The following SWI5 variants were observed in gnomAD, a reference collection of about 807,000 sequenced individuals.
SWI5 encodes SWI5 homologous recombination repair protein, also known as DNA repair protein SWI5 homolog.
In SWI5, 12 loss-of-function variants were observed where a neutral mutation model predicts 17.0. The ratio of observed to expected loss-of-function variants is 0.71; its 90% CI spans 0.45 to 1.14. SWI5 has a LOEUF of 1.14. Among genes scored for constraint, SWI5 ranks in the 50% most tolerant of loss-of-function variants. The probability of loss-of-function intolerance (pLI) is 0.00; values close to 1 mark genes in which losing one functional copy is unlikely to be tolerated. For synonymous variants in SWI5, 61 were observed against 64.0 expected, an observed-to-expected ratio of 0.95 and a Z score of 0.22; for missense variants, 158 against 162.2, an observed-to-expected ratio of 0.97 and a Z score of 0.14.
exon 1 of SWI5, chr9:128,276,332 A>T: frequency 1.2e-6 from 2 of 1,612,208 alleles, no homozygotes; most frequent in Non-Finnish European, 1.7e-6. Context: ...TCGCTCTCCG[A>T]CTCCCGCGCT....
chr9:128,288,006 G>A (rs1831674922), intron 4 of SWI5, among the ~76,000 whole-genome samples: 6 of 151,876 alleles, frequency 4.0e-5, no homozygotes, highest in Admixed American at 1.3e-4. Flanking sequence ...GTGGAGGAAT[G>A]CCCAGGAAGT....
chr9:128,276,784 T>C (rs748979480), intron 2 of SWI5, 29 bp downstream of exon 2: 61 of 1,586,330 alleles, frequency 3.8e-5, no homozygotes, highest in Non-Finnish European at 4.0e-5. Context: ...ACACCCCCTT[T>C]CCCATCCTCG....
chr9:128,275,479 G>T, upstream of SWI5: 1 of 1,305,026 alleles, frequency 7.7e-7, no homozygotes, highest in Non-Finnish European at 9.8e-7. Flanking sequence ...CGGGAGGTCC[G>T]GTTTGGGGCG....
chr9:128,288,739 A>T (rs181209395), exon 5 of SWI5: 1 of 1,613,346 alleles, frequency 6.2e-7, no homozygotes, highest in Non-Finnish European at 8.5e-7. Flanking sequence ...CCCCTTGTCC[A>T]CAGCTCCCAG....
intron 1 of SWI5, 52 bp from the exon 2 acceptor site, chr9:128,276,655 C>T (rs1356647381): frequency 3.7e-6 from 6 of 1,613,912 alleles, no homozygotes; most frequent in Non-Finnish European, 5.1e-6. Context: ...GTACCCCGTC[C>T]TCACAGCGGG....
intron 4 of SWI5, chr9:128,286,283 A>G (rs2131424616): frequency 2.1e-6 from 1 of 473,724 alleles, no homozygotes; most frequent in Middle Eastern, 5.7e-4. Context: ...CCCATCTGCC[A>G]GACTGAGAAC....
At chr9:128,276,896 G>A (rs1588500274) in intron 2 of SWI5, 141 bp downstream of exon 2, 2 of 855,762 alleles carry the variant, frequency 2.3e-6, no homozygotes, top group South Asian at 3.3e-5. Context: ...AGAACCGCCA[G>A]GTCATTCCCG....
At chr9:128,282,756 G>A (rs1295727119) in intron 2 of SWI5, among the ~76,000 whole-genome samples, 4 of 152,352 alleles carry the variant, frequency 2.6e-5, no homozygotes, top group Middle Eastern at 3.4e-3. Flanking sequence ...TGTATCATGT[G>A]TAGACAGCTC....
intron 4 of SWI5, chr9:128,286,342 C>T (rs1317092308): frequency 3.4e-6 from 1 of 296,614 alleles, no homozygotes; most frequent in Non-Finnish European, 6.4e-6. Context: ...ATCAAGATAC[C>T]GTCCATGCCT....
At chr9:128,284,673 G>C in intron 3 of SWI5, 42 bp downstream of exon 3, 2 of 1,604,062 alleles carry the variant, frequency 1.2e-6, no homozygotes, top group Non-Finnish European at 1.7e-6. Context: ...AGATAACTTT[G>C]GGCTAGGCAT....
At chr9:128,286,001 A>G (rs1395210846) in exon 4 of SWI5, 1 of 1,613,980 alleles carries the variant, frequency 6.2e-7, no homozygotes, top group African/African-American at 1.3e-5. Flanking sequence ...AATGACATCA[A>G]GGATGTGGGG....
At chr9:128,284,400 G>T (rs1031837728) in intron 2 of SWI5, 110 bp from the exon 3 acceptor site, 5 of 1,359,424 alleles carry the variant, frequency 3.7e-6, no homozygotes, top group Non-Finnish European at 5.0e-6. Context: ...TATTGAGGGG[G>T]TTAGGGTGCC....
intron 4 of SWI5, 195 bp downstream of exon 4, chr9:128,286,228 T>A (rs751343332): frequency 1.8e-6 from 1 of 549,298 alleles, no homozygotes; most frequent in African/African-American, 1.9e-5. Flanking sequence ...GTTCCTCAAG[T>A]ACAGAACCTG....
intron 4 of SWI5, 68 bp from the exon 5 acceptor site, chr9:128,288,584 C>T (rs1588509770): frequency 3.8e-6 from 6 of 1,561,188 alleles, no homozygotes; most frequent in South Asian, 1.1e-5. Flanking sequence ...GACACTGGCT[C>T]GGGGCATTGG....
At chr9:128,286,717 T>G (rs1202905558) in intron 4 of SWI5, among the ~76,000 whole-genome samples, 1 of 152,122 alleles carries the variant, frequency 6.6e-6, no homozygotes, top group African/African-American at 2.4e-5. Context: ...AGGGCTTCTC[T>G]GTGTTTCACT....
chr9:128,288,164 A>G (rs539752718), intron 4 of SWI5, among the ~76,000 whole-genome samples: 1 of 152,268 alleles, frequency 6.6e-6, no homozygotes, highest in South Asian at 2.1e-4. Context: ...ACCCTTCCTC[A>G]GGAGAAAGGA....
rs1053721096 is a variant in SWI5, at chr9:128,285,294, G to A, written c.234-645G>A. Among the ~76,000 whole-genome samples the A allele has an allele frequency of 6.6e-6, 1 of 151,544 alleles. No homozygotes were observed. Among genetic ancestry groups the A allele is most frequent in the Non-Finnish European group, 1.5e-5 (1 of 67,858 alleles). ...AAGGAAGGGAAAGGAAGGAAGGAAG[G>A]AAAGGAAGGAAGGAAGAAAGAAAGG... On this transcript the variant is annotated intron_variant, in intron 3 of 4. Transcript: ENST00000418976. The surrounding 1 kb of genome is among the most constrained non-coding windows in gnomAD (Gnocchi z 4.8).
Position 128,276,574 on chromosome 9 carries a change from G to A in SWI5, c.63-133G>A, listed in dbSNP as rs375476565. 8.8e-6 allele frequency: 14 copies of A among 1,596,218 alleles called. No individual in the cohort carries two copies. The African/African-American group carries it at 1.6e-4, about 18-fold the overall frequency. Reference sequence around the variant, plus strand: ...CTACCCTGATCCTGAGAGCGTGTCTGCCCCCTTTCCAGATGGATCCAGTCC... The same window carrying A: ...CTACCCTGATCCTGAGAGCGTGTCTACCCCCTTTCCAGATGGATCCAGTCC... On this transcript the variant is annotated intron_variant, in intron 1 of 4. Coordinates refer to ENST00000418976, the Ensembl canonical transcript of SWI5.
At chr9:128,276,204 G>A (rs1487180438), upstream of SWI5, 3 of 1,605,102 alleles carry the variant, frequency 1.9e-6, no homozygotes, top group East Asian at 4.5e-5. Flanking sequence ...GCACGCAACC[G>A]CTGTCCCCGC....
Sources: gnomAD v4.1 joint callset for allele counts (sites outside exome capture counted in the v4.1 genomes callset) on GRCh38, gnomAD v4.1.1 for gene constraint, Gnocchi (gnomAD v3.1) non-coding constraint, MANE v1.5 for transcripts, NCBI Gene and HGNC (gene_info 2026-07-23, HGNC 2026-07-21) for gene names.